Variants in EPHA6 observed in about 807,000 individuals in gnomAD.
The protein encoded by EPHA6 is ephrin type-A receptor 6.
In EPHA6, 50 loss-of-function variants were observed where a neutral mutation model predicts 112.0. The ratio of observed to expected loss-of-function variants is 0.45; its 90% CI spans 0.36 to 0.56. The LOEUF (loss-of-function observed/expected upper bound fraction) is 0.56, where lower values mean the gene tolerates loss of function less well. EPHA6 is among the 20% of genes least tolerant of loss of function. EPHA6 has a pLI of 0.00. For missense variants in EPHA6, 1,280 were observed against 1,417.4 expected (o/e 0.90, Z 1.56); for synonymous variants, 529 against 490.7 (o/e 1.08, Z -1.03).
chr3:97,352,519 T>C (rs1447669913), intron 5 of EPHA6, among the ~76,000 whole-genome samples: 1 of 152,084 alleles, frequency 6.6e-6, no homozygotes, highest in Admixed American at 6.5e-5. Context: ...GGGCTTTGCA[T>C]TGGAACTCAG....
intron 3 of EPHA6, among the ~76,000 whole-genome samples, chr3:97,058,991 G>A (rs762745): frequency 1.3e-5 from 2 of 151,994 alleles, no homozygotes; most frequent in Non-Finnish European, 2.9e-5. Flanking sequence ...ATGGAGGAGT[G>A]GGGGGACGCA....
intron 13 of EPHA6, among the ~76,000 whole-genome samples, chr3:97,611,291 T>C (rs2093718251): frequency 1.3e-5 from 2 of 151,868 alleles, no homozygotes; most frequent in Non-Finnish European, 1.5e-5. Context: ...TTTCAGAAAA[T>C]GTTCTATCAA....
intron 4 of EPHA6, among the ~76,000 whole-genome samples, chr3:97,227,330 C>G (rs1222443976): frequency 6.6e-6 from 1 of 151,790 alleles, no homozygotes; most frequent in Non-Finnish European, 1.5e-5. Flanking sequence ...AAGCGATTCT[C>G]CTGCCTCAGC....
At chr3:97,085,980 G>T (rs1286981065) in intron 3 of EPHA6, among the ~76,000 whole-genome samples, 1 of 135,260 alleles carries the variant, frequency 7.4e-6, no homozygotes, top group Non-Finnish European at 1.5e-5. Flanking sequence ...TGTCACTCAG[G>T]CTGGAGTGCA....
chr3:97,760,479 T>A lies in EPHA6; in HGVS notation c.*11778T>A, dbSNP rs1429786906. 1 of 176,472 alleles carries A rather than the reference T, an allele frequency of 5.7e-6. No homozygotes were observed. Among genetic ancestry groups the A allele is most frequent in the Non-Finnish European group, 1.2e-5 (1 of 82,066 alleles). The allele number at this position is 176,472 out of a possible 1,614,324, so 10.9% of individuals were successfully genotyped here. ...AAGATGCATTATTATTTGGATTTGATGTGAAATTAGATTGTGAATAATGGA... is the reference window on the plus strand; with the variant it reads ...AAGATGCATTATTATTTGGATTTGAAGTGAAATTAGATTGTGAATAATGGA... On this transcript the variant is annotated 3_prime_UTR_variant, in exon 18 of 18. Coordinates refer to ENST00000389672, the MANE Select transcript of EPHA6 (RefSeq NM_001080448.3).
Position 97,638,165 on chromosome 3 carries a change from C to G in EPHA6, c.2784+83C>G, listed in dbSNP as rs1195136760. ...ATTAGAGTAATTCTGTTTCTGCCTTCCTAATTTTCTGCTTGTATTTATTAC... is the reference window on the plus strand; with the variant it reads ...ATTAGAGTAATTCTGTTTCTGCCTTGCTAATTTTCTGCTTGTATTTATTAC... On this transcript the variant is annotated intron_variant, in intron 14 of 17. Transcript: ENST00000389672. 6 of 983,296 alleles carry G rather than the reference C, an allele frequency of 6.1e-6. No homozygotes were observed. The East Asian group carries it at 8.0e-5, about 13-fold the overall frequency. 60.9% of individuals were successfully genotyped at this position (983,296 alleles called of 1,614,324 possible).
intron 10 of EPHA6, among the ~76,000 whole-genome samples, chr3:97,513,786 A>C (rs551815479): frequency 6.6e-6 from 1 of 152,170 alleles, no homozygotes; most frequent in Non-Finnish European, 1.5e-5. Flanking sequence ...TGACTTGATC[A>C]CTACACTATA....
intron 3 of EPHA6, among the ~76,000 whole-genome samples, chr3:97,115,742 A>C (rs566082556): frequency 6.6e-6 from 1 of 151,894 alleles, no homozygotes; most frequent in East Asian, 1.9e-4. Flanking sequence ...CATTGCATAC[A>C]CTCATTTAAT....
rs551440023 is a variant in EPHA6 at position 97,640,326 on chromosome 3, G to C, written c.2784+2244G>C. On this transcript the variant is annotated intron_variant, in intron 14 of 17. Transcript: ENST00000389672. ...CTATCGATGAAAATTTGGGGCCATA[G>C]GCAATGGAGGGGCCAATTTTCCTGG... is the stretch of plus-strand genomic sequence containing the variant. Among the ~76,000 whole-genome samples the C allele has an allele frequency of 9.2e-5, 14 of 152,308 alleles. 1 individual carries two copies. The South Asian group carries it at 2.5e-3, about 27-fold the overall frequency.
chr3:97,615,127 A>G (rs552219983), intron 13 of EPHA6, among the ~76,000 whole-genome samples: 44 of 152,306 alleles, frequency 2.9e-4, no homozygotes, highest in Middle Eastern at 3.4e-3. Context: ...AAGAAGGTCA[A>G]TGACCCACCC....
At chr3:97,360,692 T>C (rs1280121389) in intron 5 of EPHA6, among the ~76,000 whole-genome samples, 2 of 152,196 alleles carry the variant, frequency 1.3e-5, no homozygotes, top group African/African-American at 4.8e-5. Flanking sequence ...AAACCACGTT[T>C]GGTTAATACA....
intron 14 of EPHA6, among the ~76,000 whole-genome samples, chr3:97,653,032 A>G (rs534966850): frequency 1.3e-5 from 2 of 152,164 alleles, no homozygotes; most frequent in African/African-American, 2.4e-5. Flanking sequence ...TAAGGATACT[A>G]TAAACATACA....
At position 97,418,964 on chromosome 3, in the gene EPHA6, T is replaced by G. The variant is rs1480214154; in HGVS notation, c.1731+13690T>G. On this transcript the variant is annotated intron_variant, in intron 6 of 17. Transcript: ENST00000389672. ...GAACGAGTATAATAAATGCCCTTAT[T>G]GGAAAGTAATGAAGTCAAAAAATTA... Among the ~76,000 whole-genome samples the G allele has an allele frequency of 4.6e-5, 7 of 152,226 alleles. No individual in the cohort carries two copies. In the East Asian group the frequency reaches 1.4e-3, roughly 29 times the overall value.
chr3:97,463,268 C>G (rs2090950871), intron 7 of EPHA6, among the ~76,000 whole-genome samples: 1 of 151,944 alleles, frequency 6.6e-6, no homozygotes, highest in Non-Finnish European at 1.5e-5. Context: ...ACGACTTTCC[C>G]CATGTATATA....
At chr3:97,166,495 A>C (rs963077170) in intron 3 of EPHA6, among the ~76,000 whole-genome samples, 1 of 152,172 alleles carries the variant, frequency 6.6e-6, no homozygotes, top group African/African-American at 2.4e-5. Flanking sequence ...AAGTCAAATT[A>C]AAATAGAAAT....
intron 7 of EPHA6, among the ~76,000 whole-genome samples, chr3:97,471,976 G>C (rs530080179): frequency 1.3e-4 from 19 of 151,826 alleles, no homozygotes; most frequent in African/African-American, 4.6e-4. Flanking sequence ...TCTTTGGCTT[G>C]TGGGTTGCAT....
At chr3:97,319,347 A>C (rs1464432313) in intron 5 of EPHA6, among the ~76,000 whole-genome samples, 2 of 151,734 alleles carry the variant, frequency 1.3e-5, no homozygotes, top group Non-Finnish European at 2.9e-5. Flanking sequence ...GGAATCAAAA[A>C]TTGTGTATAC....
At chr3:96,897,131 TTTTTA>T (rs1370911860) in intron 2 of EPHA6, among the ~76,000 whole-genome samples, 1 of 152,104 alleles carries the variant, frequency 6.6e-6, no homozygotes, top group Non-Finnish European at 1.5e-5. Context: ...GCCAATTATA[TTTTTA>T]TTTTATGTAT....
intron 2 of EPHA6, among the ~76,000 whole-genome samples, chr3:96,953,747 T>A (rs1251979067): frequency 1.3e-5 from 2 of 152,216 alleles, no homozygotes; most frequent in Non-Finnish European, 2.9e-5. Context: ...TGACATTCCT[T>A]CTTTCTCTTA....
Sources: allele counts gnomAD v4.1 joint callset (sites outside exome capture counted in the v4.1 genomes callset), GRCh38; gene constraint gnomAD v4.1.1; transcripts MANE v1.5; gene names NCBI Gene and HGNC (gene_info 2026-07-23, HGNC 2026-07-21).